NID1: variants seen among roughly 807,000 people sequenced by gnomAD.
NID1 encodes nidogen 1.
NID1 carries 76 observed loss-of-function variants against 130.6 expected under a neutral mutation model. The observed-to-expected ratio is 0.58, with a 90% CI of 0.48 to 0.70. The LOEUF (loss-of-function observed/expected upper bound fraction) is 0.70, where lower values mean the gene tolerates loss of function less well. Among genes scored for constraint, NID1 ranks in the 30% least tolerant of loss-of-function variants. NID1 has a pLI of 0.00. For synonymous variants in NID1, 665 were observed against 675.1 expected, an observed-to-expected ratio of 0.98 and a Z score of 0.23; for missense variants, 1,517 against 1,664.8, an observed-to-expected ratio of 0.91 and a Z score of 1.54.
chr1:236,024,054 G>A lies in NID1; in HGVS notation c.2128+16C>T, dbSNP rs1658851030. On this transcript the variant is annotated intron_variant, in intron 9 of 19. Transcript: ENST00000264187. Reference sequence around the variant, plus strand: ...CTGATTTCCCAGCCCCAACAAGTCAGAATCAAAGGCTGTACCATAGCAGGT... The same window carrying A: ...CTGATTTCCCAGCCCCAACAAGTCAAAATCAAAGGCTGTACCATAGCAGGT... The A allele has an allele frequency of 6.2e-7, 1 of 1,612,958 alleles. No individual in the cohort carries two copies. Among genetic ancestry groups the A allele is most frequent in the Non-Finnish European group, 8.5e-7 (1 of 1,179,572 alleles).
intron 4 of NID1, among the ~76,000 whole-genome samples, chr1:236,039,503 T>TA (rs1311602229): frequency 6.6e-6 from 1 of 152,082 alleles, no homozygotes; most frequent in Non-Finnish European, 1.5e-5. Context: ...ACACCTGGGC[T>TA]AAAAAGCCTT....
chr1:235,990,744 G>C (rs984111317), intron 14 of NID1, 142 bp downstream of exon 14: 17 of 846,278 alleles, frequency 2.0e-5, no homozygotes, highest in Non-Finnish European at 3.2e-5. Context: ...GCCCCATCTA[G>C]AGATGGTCAC....
Position 235,979,787 on chromosome 1 carries a change from G to A in NID1, c.3509+35C>T, listed in dbSNP as rs759348935. ...CCCAGAGACAGTGGGTGGAGGGGCAGGCCCACGCAGCCCCCATGGCTACAG... is the reference window on the plus strand; with the variant it reads ...CCCAGAGACAGTGGGTGGAGGGGCAAGCCCACGCAGCCCCCATGGCTACAG... On this transcript the variant is annotated intron_variant, in intron 18 of 19. Transcript: ENST00000264187. This position sits in a 1 kb window ranked among gnomAD's most constrained non-coding sequence, Gnocchi z 4.6. 3.1e-6 allele frequency: 5 copies of A among 1,609,292 alleles called. No individual in the cohort carries two copies. The African/African-American group carries it at 5.3e-5, about 17-fold the overall frequency.
At position 235,985,422 on chromosome 1, in the gene NID1, T is replaced by G. The variant is rs996592720; in HGVS notation, c.3012A>C (p.Arg1004Ser). The G allele has an allele frequency of 1.9e-6, 3 of 1,613,938 alleles. No individual in the cohort carries two copies. Among genetic ancestry groups the G allele is most frequent in the Middle Eastern group, 1.6e-4 (1 of 6,084 alleles). Reference sequence around the variant, plus strand: ...TTGGCTCTCCACCATGTAGACTAGCTCTCCCAATGGAAGGCTCAGTGATGT... The same window carrying G: ...TTGGCTCTCCACCATGTAGACTAGCGCTCCCAATGGAAGGCTCAGTGATGT... ...WTDITEPSIGRASLHGGEPTT... is the reference protein window; with the variant it reads ...WTDITEPSIGSASLHGGEPTT... Residue 1004 changes from arginine (R) to serine (S), a missense_variant, in exon 15 of 20, where the codon AGA becomes AGC. Coordinates refer to ENST00000264187, the MANE Select transcript of NID1 (RefSeq NM_002508.3).
intron 12 of NID1, among the ~76,000 whole-genome samples, chr1:236,002,928 A>G (rs1331902035): frequency 6.6e-6 from 1 of 151,974 alleles, no homozygotes; most frequent in African/African-American, 2.4e-5. Flanking sequence ...CCTCCTCCTC[A>G]TTATTCCTCC....
At chr1:236,032,296 C>T in intron 6 of NID1, 105 bp downstream of exon 6, 2 of 1,412,850 alleles carry the variant, frequency 1.4e-6, no homozygotes, top group Admixed American at 2.0e-5. Context: ...CAACAACATG[C>T]TTCTAAGTTG....
At chr1:236,025,236 G>A (rs1025199878) in intron 8 of NID1, among the ~76,000 whole-genome samples, 1 of 148,972 alleles carries the variant, frequency 6.7e-6, no homozygotes, top group Non-Finnish European at 1.5e-5. Context: ...ACAGGCATGA[G>A]CCACCATGCT....
chr1:236,007,297 A>T (rs1658277672), intron 12 of NID1, among the ~76,000 whole-genome samples: 1 of 152,196 alleles, frequency 6.6e-6, no homozygotes, highest in Non-Finnish European at 1.5e-5. Flanking sequence ...AAGACATTTA[A>T]TGCCTCTCTT....
At chr1:236,030,597 T>C (rs1181182542) in intron 6 of NID1, among the ~76,000 whole-genome samples, 2 of 152,242 alleles carry the variant, frequency 1.3e-5, no homozygotes, top group African/African-American at 4.8e-5. Context: ...TGTGGTTGCT[T>C]TTCACTCTGC....
chr1:236,026,191 A>G (rs1658925637), intron 7 of NID1, 50 bp from the exon 8 acceptor site: 1 of 1,598,772 alleles, frequency 6.3e-7, no homozygotes, highest in Non-Finnish European at 8.5e-7. Flanking sequence ...CAGAGGGAAG[A>G]TGGTTAAGGA....
chr1:235,992,604 T>C (rs1657789397), intron 13 of NID1, among the ~76,000 whole-genome samples: 1 of 151,934 alleles, frequency 6.6e-6, no homozygotes, highest in Non-Finnish European at 1.5e-5. Context: ...GCTGTCTGCT[T>C]CTCCTAAAGC....
chr1:236,034,410 G>A (rs188534809), intron 5 of NID1, among the ~76,000 whole-genome samples: 5 of 96,634 alleles, frequency 5.2e-5, no homozygotes, highest in Admixed American at 5.0e-4. Context: ...CAATAAGAGC[G>A]AAACTCCATC....
intron 5 of NID1, among the ~76,000 whole-genome samples, chr1:236,037,254 G>A (rs1659287107): frequency 1.3e-5 from 2 of 152,222 alleles, no homozygotes; most frequent in African/African-American, 4.8e-5. Context: ...ATGACTTCAG[G>A]AGCACCAGGA....
intron 9 of NID1, among the ~76,000 whole-genome samples, chr1:236,023,708 T>G (rs1320560265): frequency 6.6e-6 from 1 of 152,196 alleles, no homozygotes; most frequent in Non-Finnish European, 1.5e-5. Flanking sequence ...TGAGATGATG[T>G]TGTGAAGCAC....
chr1:236,026,146 A>T lies in NID1; in HGVS notation c.1739-5T>A. ...GGGTGGAGGAGGAAGTGATCACTGC[A>T]GAGTGGGAAGGATGGAGGGGACAAG... On this transcript the variant is annotated splice_region_variant and splice_polypyrimidine_tract_variant and intron_variant, in intron 7 of 19. Transcript: ENST00000264187. 6.2e-7 allele frequency: 1 copy of T among 1,613,274 alleles called. No homozygotes were observed. The highest frequency in any genetic ancestry group is 1.1e-5 in the South Asian group (1 of 91,000).
At chr1:236,004,886 C>T (rs568998310) in intron 12 of NID1, among the ~76,000 whole-genome samples, 1 of 151,120 alleles carries the variant, frequency 6.6e-6, no homozygotes, top group Admixed American at 6.6e-5. Context: ...CAAACTTAAG[C>T]AGGATGGAGC....
At chr1:236,045,367 A>G (rs1659570087) in intron 3 of NID1, 90 bp downstream of exon 3, 1 of 900,572 alleles carries the variant, frequency 1.1e-6, no homozygotes, top group East Asian at 2.6e-5. Flanking sequence ...CCATAGGAAC[A>G]TTTTTAGGTA....
chr1:235,977,435 C>T lies in NID1; in HGVS notation c.*432G>A, dbSNP rs943580333. 11 of 159,110 alleles carry T rather than the reference C, an allele frequency of 6.9e-5. No homozygotes were observed. Among genetic ancestry groups the T allele is most frequent in the Non-Finnish European group, 1.4e-4 (10 of 71,964 alleles). 9.9% of individuals were successfully genotyped at this position (159,110 alleles called of 1,614,324 possible). ...TAACTCCCAACTTTTCCTAGTCAGGCCCCGGCTCATAGGTCAAGGAGCTGA... is the reference window on the plus strand; with the variant it reads ...TAACTCCCAACTTTTCCTAGTCAGGTCCCGGCTCATAGGTCAAGGAGCTGA... On this transcript the variant is annotated 3_prime_UTR_variant, in exon 20 of 20. Coordinates refer to ENST00000264187, the MANE Select transcript of NID1 (RefSeq NM_002508.3).
Position 236,048,913 on chromosome 1 carries a change from A to G in NID1, c.302T>C (p.Phe101Ser), listed in dbSNP as rs1659689225. ...ESHPGLFPPTFGAVAPFLADL... is the reference protein window; with the variant it reads ...ESHPGLFPPTSGAVAPFLADL... ...CGCCAGGAAAGGGGCGACTGCACCG[A>G]ATGTTGGTGGGAAGAGCCCGGGATG... Residue 101 changes from phenylalanine to serine, a missense_variant, in exon 2 of 20, where the codon TTC becomes TCC. Physicochemically the swap from Phe to Ser is radical, Grantham distance 155. Transcript: ENST00000264187. 6.2e-7 allele frequency: 1 copy of G among 1,613,934 alleles called. No individual in the cohort carries two copies. The highest frequency in any genetic ancestry group is 8.5e-7 in the Non-Finnish European group (1 of 1,180,000).
Sources: allele counts gnomAD v4.1 joint callset (sites outside exome capture counted in the v4.1 genomes callset), GRCh38; gene constraint gnomAD v4.1.1; non-coding constraint Gnocchi (gnomAD v3.1); transcripts MANE v1.5; gene names NCBI Gene and HGNC (gene_info 2026-07-23, HGNC 2026-07-21).